CADM4: variants seen among roughly 807,000 people sequenced by gnomAD.
CADM4 encodes the protein cell adhesion molecule 4.
In CADM4, 13 loss-of-function variants were observed where a neutral mutation model predicts 43.9. The observed-to-expected ratio is 0.30, with a 90% confidence interval of 0.19 to 0.47. CADM4 has a LOEUF of 0.47. CADM4 is among the 20% of genes least tolerant of loss of function. The pLI, the probability that CADM4 is intolerant of heterozygous loss-of-function variation, is 1.00. For synonymous variants in CADM4, 209 were observed against 220.9 expected (o/e 0.95, Z 0.48); for missense variants, 420 against 527.0 (o/e 0.80, Z 1.99).
rs577920129 is a variant in CADM4, at chr19:43,624,513, C to A, written c.929-271G>T. ...GAGACGGGGGTCTCACTATGTGGCC[C>A]AGGCTGATCTTAAACTCCTGGGCTC... On this transcript the variant is annotated intron_variant, in intron 7 of 8. Transcript: ENST00000222374. 3.3e-5 allele frequency among the ~76,000 whole-genome samples: 5 copies of A among 152,238 alleles called. No individual in the cohort carries two copies. In the South Asian group the frequency reaches 1.0e-3, roughly 32 times the overall value.
chr19:43,625,058 C>A lies in CADM4; in HGVS notation c.928+20G>T. 2 of 1,397,598 alleles carry A rather than the reference C, an allele frequency of 1.4e-6. No individual in the cohort carries two copies. Among genetic ancestry groups the A allele is most frequent in the South Asian group, 1.4e-5 (1 of 73,262 alleles). The allele number at this position is 1,397,598 out of a possible 1,614,324, so 86.6% of individuals were successfully genotyped here. A position where few individuals can be genotyped will look rare whatever the true frequency, so the allele number is the denominator to read the frequency against. The stretch of plus-strand genomic sequence containing the variant: ...CTGGCGCCCCGCCCCCGCCCTCAGT[C>A]GGCCGCAGCCTGCTCTCACCGTAGA... On this transcript the variant is annotated intron_variant, in intron 7 of 8. Coordinates refer to ENST00000222374, the MANE Select transcript of CADM4 (RefSeq NM_145296.2). This position sits in a 1 kb window ranked among gnomAD's most constrained non-coding sequence, Gnocchi z 4.5.
Position 43,639,839 on chromosome 19 carries a change from A to G in CADM4, c.-49T>C, listed in dbSNP as rs1973752650. ...CGCTCGCTCCCGGCCCGGCACCTGC[A>G]CCGCCCGCGCCGCCCGCCCCGCCCC... On this transcript the variant is annotated 5_prime_UTR_variant, in exon 1 of 9. Transcript: ENST00000222374. 2.1e-6 allele frequency: 2 copies of G among 969,158 alleles called. No homozygotes were observed. The highest frequency in any genetic ancestry group is 2.4e-6 in the Non-Finnish European group (2 of 824,172). The allele number at this position is 969,158 out of a possible 1,614,324, so 60.0% of individuals were successfully genotyped here. A position where few individuals can be genotyped will look rare whatever the true frequency, so the allele number is the denominator to read the frequency against.
At chr19:43,641,061 C>A (rs1395712814), upstream of CADM4, among the ~76,000 whole-genome samples, 22 of 151,618 alleles carry the variant, frequency 1.5e-4, no homozygotes, top group Admixed American at 1.4e-3. Context: ...CTCTGCCTCC[C>A]AGGTTCCAGT....
At chr19:43,636,678 A>T (rs1267410150) in intron 1 of CADM4, among the ~76,000 whole-genome samples, 3 of 150,532 alleles carry the variant, frequency 2.0e-5, no homozygotes, top group African/African-American at 7.3e-5. Flanking sequence ...GCACGACATT[A>T]ACCCAGCCTT....
Position 43,639,771 on chromosome 19 carries a change from A to G in CADM4, c.20T>C (p.Phe7Ser), listed in dbSNP as rs1165049773. 6 of 1,024,340 alleles carry G rather than the reference A, an allele frequency of 5.9e-6. No individual in the cohort carries two copies. Among genetic ancestry groups the G allele is most frequent in the Non-Finnish European group, 5.9e-6 (5 of 853,618 alleles). 63.5% of individuals were successfully genotyped at this position (1,024,340 alleles called of 1,614,324 possible). The change falls in exon 1 of 9, where the codon TTC (phenylalanine) becomes TCC (serine). Residue 7 changes from phenylalanine to serine, a missense_variant. Phe to Ser is a radical substitution (Grantham distance 155, BLOSUM62 -2). Coordinates refer to ENST00000222374, the MANE Select transcript of CADM4 (RefSeq NM_145296.2). ...CCACAGCAGCAGCAGCGGCCACTGG[A>G]AGCGCCGGGCCCGGCCCATGGTGCC... MGRARR[F>S]QWPLLLLWAA...
chr19:43,641,192 C>T (rs1232733989), upstream of CADM4, among the ~76,000 whole-genome samples: 1 of 152,174 alleles, frequency 6.6e-6, no homozygotes, highest in Non-Finnish European at 1.5e-5. Flanking sequence ...TGGTCTTGAA[C>T]TCCTTACCTC....
At chr19:43,629,189 G>T (rs1427650310) in intron 1 of CADM4, among the ~76,000 whole-genome samples, 1 of 152,144 alleles carries the variant, frequency 6.6e-6, no homozygotes, top group Non-Finnish European at 1.5e-5. Context: ...CCTTCACACT[G>T]GCTGAACAGA....
chr19:43,632,661 C>T (rs954821183), intron 1 of CADM4, among the ~76,000 whole-genome samples: 10 of 152,058 alleles, frequency 6.6e-5, no homozygotes, highest in Admixed American at 5.9e-4. Flanking sequence ...TTCTCCCCAC[C>T]TCCCAAGCCC....
intron 1 of CADM4, among the ~76,000 whole-genome samples, chr19:43,632,328 G>A (rs1568543098): frequency 6.6e-6 from 1 of 151,950 alleles, no homozygotes; most frequent in Admixed American, 6.6e-5. Context: ...TCCCTCACCT[G>A]GACTCTGCAA....
rs537353083 is a variant in CADM4, at chr19:43,622,565, A to G, written c.*765T>C. 6.6e-6 allele frequency: 1 copy of G among 152,266 alleles called. No individual in the cohort carries two copies. Among genetic ancestry groups the G allele is most frequent in the South Asian group, 2.1e-4 (1 of 4,832 alleles). The allele number at this position is 152,266 out of a possible 1,614,324, so 9.4% of individuals were successfully genotyped here. A position where few individuals can be genotyped will look rare whatever the true frequency, so the allele number is the denominator to read the frequency against. ...TTTCATACAGACTTTTGATTTTTTA[A>G]TATATTATATATAAAACCATGAAGA... On this transcript the variant is annotated 3_prime_UTR_variant, in exon 9 of 9. Transcript: ENST00000222374.
chr19:43,623,566 C>T lies in CADM4; in HGVS notation c.1058-127G>A. ...GGCGAAGGAAGAGGGAGAAACGGAA[C>T]ACACAGGGAGAGGCAGAGAAAGAGG... On this transcript the variant is annotated intron_variant, in intron 8 of 8. Transcript: ENST00000222374. The surrounding 1 kb of genome is among the most constrained non-coding windows in gnomAD (Gnocchi z 4.4). 1 of 717,938 alleles carries T rather than the reference C, an allele frequency of 1.4e-6. No homozygotes were observed. The highest frequency in any genetic ancestry group is 1.5e-5 in the South Asian group (1 of 68,414). The allele number at this position is 717,938 out of a possible 1,614,324, so 44.5% of individuals were successfully genotyped here.
intron 1 of CADM4, among the ~76,000 whole-genome samples, chr19:43,635,321 C>G (rs937477079): frequency 6.6e-6 from 1 of 152,008 alleles, no homozygotes; most frequent in Non-Finnish European, 1.5e-5. Context: ...ACTGAACCCC[C>G]CTCAGCCCCC....
At chr19:43,628,178 CA>C (rs1973560215) in intron 1 of CADM4, among the ~76,000 whole-genome samples, 1 of 151,546 alleles carries the variant, frequency 6.6e-6, no homozygotes, top group East Asian at 1.9e-4. Flanking sequence ...GTAATCCCAG[CA>C]CTTTGAGAGG....
At chr19:43,636,391 C>T (rs1006365565) in intron 1 of CADM4, among the ~76,000 whole-genome samples, 2 of 152,210 alleles carry the variant, frequency 1.3e-5, no homozygotes, top group East Asian at 1.9e-4. Flanking sequence ...TCCCTCTGTC[C>T]GAACCTCCAC....
intron 1 of CADM4, among the ~76,000 whole-genome samples, chr19:43,634,941 C>T (rs552801212): frequency 6.6e-6 from 1 of 152,132 alleles, no homozygotes; most frequent in South Asian, 2.1e-4. Flanking sequence ...AATCCAGACC[C>T]CTAGCCCCCT....
upstream of CADM4, among the ~76,000 whole-genome samples, chr19:43,640,617 C>G (rs895707736): frequency 6.6e-6 from 1 of 152,024 alleles, no homozygotes; most frequent in African/African-American, 2.4e-5. Context: ...ATCCTGGGTC[C>G]CAGGAGGGAG....
In CADM4 at chr19:43,623,278, G is replaced by T; in HGVS notation, c.*52C>A. The T allele has an allele frequency of 7.3e-7, 1 of 1,364,576 alleles. No homozygotes were observed. Among genetic ancestry groups the T allele is most frequent in the Admixed American group, 1.7e-5 (1 of 59,278 alleles). The allele number at this position is 1,364,576 out of a possible 1,614,324, so 84.5% of individuals were successfully genotyped here. On this transcript the variant is annotated 3_prime_UTR_variant, in exon 9 of 9. Transcript: ENST00000222374. The surrounding 1 kb of genome is among the most constrained non-coding windows in gnomAD (Gnocchi z 4.4). ...CTTTGCTGGTTCCTTGCAGCTGGCA[G>T]TGGGGGGGACCCCAGCCCAGGCCCA...
At chr19:43,637,039 A>G (rs933596463) in intron 1 of CADM4, among the ~76,000 whole-genome samples, 3 of 151,954 alleles carry the variant, frequency 2.0e-5, no homozygotes, top group African/African-American at 7.3e-5. Context: ...TGTTCTACCC[A>G]GTTTCTGGCT....
Position 43,625,286 on chromosome 19 carries a change from C to A in CADM4, c.756-36G>T. The A allele has an allele frequency of 1.3e-6, 2 of 1,582,256 alleles. No individual in the cohort carries two copies. The highest frequency in any genetic ancestry group is 2.3e-5 in the South Asian group (2 of 88,610). ...ATAAAGTATAGTGAGAGTTAGGAAC[C>A]GAGGTGCCAGCACCCAATTCTGACT... On this transcript the variant is annotated intron_variant, in intron 6 of 8. Coordinates refer to ENST00000222374, the MANE Select transcript of CADM4 (RefSeq NM_145296.2). The surrounding 1 kb of genome is among the most constrained non-coding windows in gnomAD (Gnocchi z 4.5).
Sources: allele counts gnomAD v4.1 joint callset (sites outside exome capture counted in the v4.1 genomes callset), GRCh38; gene constraint gnomAD v4.1.1; non-coding constraint Gnocchi (gnomAD v3.1); transcripts MANE v1.5; gene names NCBI Gene and HGNC (gene_info 2026-07-23, HGNC 2026-07-21).